Variants in NFIL3 observed in about 807,000 individuals in gnomAD.
NFIL3 encodes nuclear factor interleukin-3-regulated protein.
NFIL3 carries 5 observed loss-of-function variants against 10.0 expected under a neutral mutation model. The ratio of observed to expected loss-of-function variants is 0.50; its 90% CI spans 0.26 to 1.06. NFIL3 has a LOEUF of 1.06. Ranked by LOEUF, NFIL3 falls within the 50% of genes least tolerant of loss-of-function variation. NFIL3 has a pLI of 0.13. For missense variants in NFIL3, 436 were observed against 547.6 expected (o/e 0.80, Z 2.03); for synonymous variants, 202 against 206.5 (o/e 0.98, Z 0.19).
At chr9:91,443,108 T>C in the NFIL3 span, among the ~76,000 whole-genome samples, 1 of 152,024 alleles carries the variant, frequency 6.6e-6, no homozygotes, top group Admixed American at 6.5e-5. Flanking sequence ...TAGCTCTCAG[T>C]AGAGAGGAGA....
At chr9:91,481,679 C>A in the NFIL3 span, among the ~76,000 whole-genome samples, 1 of 151,752 alleles carries the variant, frequency 6.6e-6, no homozygotes, top group South Asian at 2.1e-4. Context: ...ACAAGAAATA[C>A]CAATGATATT....
chr9:91,414,284 A>G (rs1269058420), intron 1 of NFIL3, among the ~76,000 whole-genome samples: 1 of 152,176 alleles, frequency 6.6e-6, no homozygotes, highest in Non-Finnish European at 1.5e-5. Flanking sequence ...GCTCACCGCA[A>G]CCTCTGCCTA....
chr9:91,439,680 T>G, the NFIL3 span, among the ~76,000 whole-genome samples: 1 of 151,886 alleles, frequency 6.6e-6, no homozygotes, highest in South Asian at 2.1e-4. Context: ...TGTGAGAAAC[T>G]TTCCTTCTAA....
chr9:91,409,905 G>A lies in NFIL3; in HGVS notation c.830C>T (p.Thr277Ile), dbSNP rs777874308. 59 of 1,613,844 alleles carry A rather than the reference G, an allele frequency of 3.7e-5. No homozygotes were observed. Among genetic ancestry groups the A allele is most frequent in the Non-Finnish European group, 4.7e-5 (56 of 1,180,022 alleles). The change falls in exon 2 of 2, where the codon ACT (threonine) becomes ATT (isoleucine). Residue 277 changes from threonine to isoleucine, a missense_variant. By Grantham distance (89) the Thr-to-Ile change is moderately conservative. Transcript: ENST00000297689. ...TGACTTTCCTACCACACCATCATCAGTTTCCGACGTTCTCGGGGAGTTGCT... is the reference window on the plus strand; with the variant it reads ...TGACTTTCCTACCACACCATCATCAATTTCCGACGTTCTCGGGGAGTTGCT... ...SSSNSPRTSETDDGVVGKSSD... is the reference protein window; with the variant it reads ...SSSNSPRTSEIDDGVVGKSSD...
At chr9:91,432,571 G>T in the NFIL3 span, among the ~76,000 whole-genome samples, 1 of 152,210 alleles carries the variant, frequency 6.6e-6, no homozygotes, top group Non-Finnish European at 1.5e-5. Flanking sequence ...TCTCAGTCTT[G>T]CAGAGAAATT....
the NFIL3 span, among the ~76,000 whole-genome samples, chr9:91,442,755 C>T: frequency 2.0e-5 from 3 of 152,124 alleles, no homozygotes; most frequent in Non-Finnish European, 4.4e-5. Flanking sequence ...TGCCCAGAAG[C>T]TTGGAGATGC....
At chr9:91,436,098 G>A in the NFIL3 span, among the ~76,000 whole-genome samples, 1 of 152,208 alleles carries the variant, frequency 6.6e-6, no homozygotes, top group Admixed American at 6.5e-5. Context: ...CTGCAGAATT[G>A]ATCTCCCGCA....
At chr9:91,461,990 C>G in the NFIL3 span, among the ~76,000 whole-genome samples, 3 of 152,048 alleles carry the variant, frequency 2.0e-5, no homozygotes, top group East Asian at 5.8e-4. Context: ...GGAATCTAGT[C>G]AACATTAACA....
At chr9:91,422,716 G>C (rs994313563) in intron 1 of NFIL3, among the ~76,000 whole-genome samples, 3 of 152,162 alleles carry the variant, frequency 2.0e-5, no homozygotes, top group Admixed American at 6.5e-5. Flanking sequence ...AGGAAGGTGG[G>C]GAGGTAAACG....
the NFIL3 span, among the ~76,000 whole-genome samples, chr9:91,429,077 A>C: frequency 6.6e-6 from 1 of 152,252 alleles, no homozygotes; most frequent in Admixed American, 6.5e-5. Context: ...ATTGTGAAAT[A>C]TGTTCTAACA....
At chr9:91,413,075 A>G (rs2117968538) in intron 1 of NFIL3, among the ~76,000 whole-genome samples, 1 of 152,316 alleles carries the variant, frequency 6.6e-6, no homozygotes, top group African/African-American at 2.4e-5. Flanking sequence ...AACTGAGCCA[A>G]CATAGTTAAG....
At chr9:91,427,820 T>C (rs1190649701), upstream of NFIL3, among the ~76,000 whole-genome samples, 1 of 152,076 alleles carries the variant, frequency 6.6e-6, no homozygotes, top group Non-Finnish European at 1.5e-5. Context: ...TTTTAATTTT[T>C]TTTTTGTTAG....
chr9:91,479,744 C>T, the NFIL3 span, among the ~76,000 whole-genome samples: 1 of 152,206 alleles, frequency 6.6e-6, no homozygotes, highest in African/African-American at 2.4e-5. Flanking sequence ...CCCAAATGGC[C>T]ACCCAGTTTT....
At chr9:91,417,833 C>A (rs1036116864) in intron 1 of NFIL3, among the ~76,000 whole-genome samples, 1 of 152,190 alleles carries the variant, frequency 6.6e-6, no homozygotes, top group Non-Finnish European at 1.5e-5. Flanking sequence ...CTCTCGCACA[C>A]TGCCAGAATC....
chr9:91,418,379 T>C (rs1235218992), intron 1 of NFIL3, among the ~76,000 whole-genome samples: 1 of 152,252 alleles, frequency 6.6e-6, no homozygotes, highest in African/African-American at 2.4e-5. Context: ...AACCCAGTTG[T>C]AGAAAATTCC....
chr9:91,478,755 C>CTT, the NFIL3 span, among the ~76,000 whole-genome samples: 1 of 152,100 alleles, frequency 6.6e-6, no homozygotes, highest in Non-Finnish European at 1.5e-5. Context: ...CCTTTTTGCA[C>CTT]TGTTTTTTCC....
the NFIL3 span, among the ~76,000 whole-genome samples, chr9:91,456,073 T>G: frequency 1.2e-4 from 19 of 152,208 alleles, no homozygotes; most frequent in African/African-American, 3.9e-4. Context: ...TATAATTATT[T>G]TGAGATCCAT....
Position 91,410,196 on chromosome 9 carries a change from T to G in NFIL3, c.539A>C (p.Lys180Thr), listed in dbSNP as rs745725185. Residue 180 changes from lysine to threonine, a missense_variant, in exon 2 of 2, where the codon AAA (lysine) becomes ACA (threonine). Physicochemically the swap from Lys to Thr is moderately conservative, Grantham distance 78. Transcript: ENST00000297689. This position sits in a 1 kb window ranked among gnomAD's most constrained non-coding sequence, Gnocchi z 5.7. ...GGACAGCGAGCTTTGTGGAGAGTGTTTAATGACAGAAATACAACTACTTGA... is the reference window on the plus strand; with the variant it reads ...GGACAGCGAGCTTTGTGGAGAGTGTGTAATGACAGAAATACAACTACTTGA... ...MVSSSCISVI[K>T]HSPQSSLSDV... 3 of 1,614,148 alleles carry G rather than the reference T, an allele frequency of 1.9e-6. No homozygotes were observed. The highest frequency in any genetic ancestry group is 2.2e-5 in the South Asian group (2 of 91,080).
the NFIL3 span, among the ~76,000 whole-genome samples, chr9:91,434,660 A>G: frequency 3.9e-5 from 6 of 152,228 alleles, no homozygotes; most frequent in Non-Finnish European, 8.8e-5. Flanking sequence ...TTTTTATTCT[A>G]GAAAAAGGTT....
Sources: allele counts gnomAD v4.1 joint callset (sites outside exome capture counted in the v4.1 genomes callset), GRCh38; gene constraint gnomAD v4.1.1; non-coding constraint Gnocchi (gnomAD v3.1); transcripts MANE v1.5; gene names NCBI Gene and HGNC (gene_info 2026-07-23, HGNC 2026-07-21).